Variants in PIEZO2 observed in about 807,000 individuals in gnomAD.
PIEZO2 encodes piezo-type mechanosensitive ion channel component 2.
In PIEZO2, 172 loss-of-function variants were observed where a neutral mutation model predicts 337.3. The observed-to-expected ratio is 0.51, with a 90% confidence interval of 0.45 to 0.58. The LOEUF (loss-of-function observed/expected upper bound fraction) is 0.58. PIEZO2 is among the 20% of genes least tolerant of loss of function. The pLI, the probability that PIEZO2 is intolerant of heterozygous loss-of-function variation, is 0.00. For synonymous variants in PIEZO2, 1,251 were observed against 1,228.5 expected, an observed-to-expected ratio of 1.02 and a Z score of -0.38; for missense variants, 3,028 against 3,391.3, an observed-to-expected ratio of 0.89 and a Z score of 2.66.
rs1226743803 is a variant in PIEZO2 at position 11,146,722 on chromosome 18, C to T, written c.64+1803G>A. On this transcript the variant is annotated intron_variant, in intron 1 of 55. Transcript: ENST00000674853. This position sits in a 1 kb window ranked among gnomAD's most constrained non-coding sequence, Gnocchi z 6.1. ...GGCAATCGCTGCTGGCACTTCATTCCGCCACTGGTGCCAAGTCACAGAGTG... is the reference window on the plus strand; with the variant it reads ...GGCAATCGCTGCTGGCACTTCATTCTGCCACTGGTGCCAAGTCACAGAGTG... 6.6e-6 allele frequency among the ~76,000 whole-genome samples: 1 copy of T among 152,208 alleles called. No individual in the cohort carries two copies. The highest frequency in any genetic ancestry group is 2.4e-5 in the African/African-American group (1 of 41,456).
intron 18 of PIEZO2, among the ~76,000 whole-genome samples, chr18:10,774,777 T>C (rs1314773013): frequency 6.6e-6 from 1 of 152,232 alleles, no homozygotes; most frequent in Non-Finnish European, 1.5e-5. Flanking sequence ...CTAGTAGACA[T>C]ACTGATAGTC....
At chr18:11,076,815 A>G (rs573794881) in intron 1 of PIEZO2, among the ~76,000 whole-genome samples, 2 of 152,340 alleles carry the variant, frequency 1.3e-5, no homozygotes, top group Admixed American at 6.5e-5. Flanking sequence ...TTCTAAATTC[A>G]TCCTGATTGA....
intron 4 of PIEZO2, among the ~76,000 whole-genome samples, chr18:10,908,085 C>T (rs181728440): frequency 6.6e-6 from 1 of 152,326 alleles, no homozygotes; most frequent in East Asian, 1.9e-4. Context: ...GCCACATAAA[C>T]TGTGACTACG....
At chr18:10,749,099 A>G (rs2037542739) in intron 29 of PIEZO2, among the ~76,000 whole-genome samples, 2 of 152,172 alleles carry the variant, frequency 1.3e-5, no homozygotes, top group Admixed American at 6.5e-5. Context: ...GTGAAAAACA[A>G]CGTCCCAGTG....
At chr18:10,890,319 G>T (rs570429730) in intron 4 of PIEZO2, among the ~76,000 whole-genome samples, 2 of 152,282 alleles carry the variant, frequency 1.3e-5, no homozygotes, top group African/African-American at 4.8e-5. Flanking sequence ...TGTCAATGTG[G>T]CTGAGTCTGC....
rs1401105165 is a variant in PIEZO2, at chr18:10,855,114, C to T, written c.917+239G>A. 2.6e-5 allele frequency among the ~76,000 whole-genome samples: 4 copies of T among 152,112 alleles called. No homozygotes were observed. Among genetic ancestry groups the T allele is most frequent in the African/African-American group, 9.7e-5 (4 of 41,414 alleles). On this transcript the variant is annotated intron_variant, in intron 7 of 55. Transcript: ENST00000674853. This position sits in a 1 kb window ranked among gnomAD's most constrained non-coding sequence, Gnocchi z 4.9. Reference sequence around the variant, plus strand: ...GTCTTATTCCTACACATGACAGCTCCCTGTCCTCCTGCATCCCAGCGGCAT... The same window carrying T: ...GTCTTATTCCTACACATGACAGCTCTCTGTCCTCCTGCATCCCAGCGGCAT...
chr18:11,055,329 A>C (rs1598890960), intron 2 of PIEZO2, among the ~76,000 whole-genome samples: 1 of 152,088 alleles, frequency 6.6e-6, no homozygotes. Context: ...CAGGGTGTGC[A>C]ACTCCAGCTC....
In PIEZO2 at chr18:11,128,853, C is replaced by T. The variant is rs959880240; in HGVS notation, c.64+19672G>A. Among the ~76,000 whole-genome samples the T allele has an allele frequency of 6.6e-6, 1 of 152,104 alleles. No individual in the cohort carries two copies. Among genetic ancestry groups the T allele is most frequent in the Non-Finnish European group, 1.5e-5 (1 of 68,042 alleles). ...TTTATATAAACAACAATCTGGAGAA[C>T]AGGCCTGGGAATGGATATTAAGGGT... On this transcript the variant is annotated intron_variant, in intron 1 of 55. Coordinates refer to ENST00000674853, the MANE Select transcript of PIEZO2 (RefSeq NM_001378183.1). The surrounding 1 kb of genome is among the most constrained non-coding windows in gnomAD (Gnocchi z 4.1).
rs759208960 is a variant in PIEZO2 at position 10,698,915 on chromosome 18, C to T, written c.6694+10G>A. 13 of 1,535,904 alleles carry T rather than the reference C, an allele frequency of 8.5e-6. No homozygotes were observed. Among genetic ancestry groups the T allele is most frequent in the African/African-American group, 4.1e-5 (3 of 73,028 alleles). ...TAACTACAGCCTAGATATATTGTGT[C>T]GACAGATACCTCTTTGGGATCTGTT... On this transcript the variant is annotated intron_variant, in intron 44 of 55. Transcript: ENST00000674853.
chr18:11,064,354 T>A (rs1293634601), intron 2 of PIEZO2, among the ~76,000 whole-genome samples: 7 of 152,234 alleles, frequency 4.6e-5, no homozygotes, highest in Non-Finnish European at 1.0e-4. Context: ...AGTTGCTCAC[T>A]GGAAGGATGT....
In PIEZO2 at chr18:10,847,598, G is replaced by A. The variant is rs953126452; in HGVS notation, c.917+7755C>T. ...GGATCCCGGTCCCCACTACACCCAC[G>A]TAGGCCCCCAAACGATACCAAGGTC... On this transcript the variant is annotated intron_variant, in intron 7 of 55. Coordinates refer to ENST00000674853, the MANE Select transcript of PIEZO2 (RefSeq NM_001378183.1). This position sits in a 1 kb window ranked among gnomAD's most constrained non-coding sequence, Gnocchi z 5.7. Among the ~76,000 whole-genome samples the A allele has an allele frequency of 6.6e-6, 1 of 152,126 alleles. No individual in the cohort carries two copies. The highest frequency in any genetic ancestry group is 1.5e-5 in the Non-Finnish European group (1 of 68,024).
intron 17 of PIEZO2, among the ~76,000 whole-genome samples, chr18:10,782,917 T>C (rs2039083430): frequency 6.6e-6 from 1 of 151,992 alleles, no homozygotes; most frequent in African/African-American, 2.4e-5. Flanking sequence ...ACCTTGGGAG[T>C]CTCTAGGCTG....
intron 1 of PIEZO2, among the ~76,000 whole-genome samples, chr18:11,085,744 C>G (rs8098556): frequency 0.52 from 78,124 of 151,682 alleles, 20,692 homozygotes; most frequent in East Asian, 0.7. Flanking sequence ...ATATGGAACA[C>G]CAGATATCAC....
intron 1 of PIEZO2, among the ~76,000 whole-genome samples, chr18:11,086,898 T>C (rs1053378709): frequency 1.3e-5 from 2 of 152,186 alleles, no homozygotes; most frequent in Non-Finnish European, 2.9e-5. Context: ...TAGATTAAAA[T>C]GAGTGGCCAA....
At chr18:10,970,526 G>A (rs1376365200) in intron 3 of PIEZO2, among the ~76,000 whole-genome samples, 1 of 152,138 alleles carries the variant, frequency 6.6e-6, no homozygotes, top group Non-Finnish European at 1.5e-5. Context: ...CTGCAAATGA[G>A]TAAAATATCA....
intron 2 of PIEZO2, among the ~76,000 whole-genome samples, chr18:11,011,070 T>C (rs1375549885): frequency 1.3e-5 from 2 of 152,218 alleles, no homozygotes; most frequent in Non-Finnish European, 2.9e-5. Flanking sequence ...CCTTAACCAC[T>C]CTATAATTTG....
intron 15 of PIEZO2, among the ~76,000 whole-genome samples, chr18:10,788,619 C>T (rs1375130069): frequency 1.3e-5 from 2 of 152,002 alleles, no homozygotes; most frequent in Non-Finnish European, 2.9e-5. Context: ...TAATCTGTTG[C>T]CCAGCTGGAG....
At chr18:10,770,093 A>G in intron 21 of PIEZO2, 55 bp downstream of exon 21, 1 of 1,500,548 alleles carries the variant, frequency 6.7e-7, no homozygotes. Flanking sequence ...GAAAAGGAAA[A>G]TGATGACCTA....
Position 10,819,638 on chromosome 18 carries a change from C to A in PIEZO2, c.918-12364G>T, listed in dbSNP as rs1188900706. On this transcript the variant is annotated intron_variant, in intron 7 of 55. Transcript: ENST00000674853. This position sits in a 1 kb window ranked among gnomAD's most constrained non-coding sequence, Gnocchi z 4.3. ...TGTTTTCTCAATGTTGTTCTCAATG[C>A]ATCATCGGTGTTCACCTTCATGCTT... 6.6e-6 allele frequency among the ~76,000 whole-genome samples: 1 copy of A among 152,192 alleles called. No individual in the cohort carries two copies. Among genetic ancestry groups the A allele is most frequent in the Non-Finnish European group, 1.5e-5 (1 of 68,034 alleles).
Sources: allele counts gnomAD v4.1 joint callset (sites outside exome capture counted in the v4.1 genomes callset), GRCh38; gene constraint gnomAD v4.1.1; non-coding constraint Gnocchi (gnomAD v3.1); transcripts MANE v1.5; gene names NCBI Gene and HGNC (gene_info 2026-07-23, HGNC 2026-07-21).